Variants in RHD observed in about 807,000 individuals in gnomAD.
The protein encoded by RHD is Rh blood group D antigen.
RHD carries 16 observed loss-of-function variants against 45.5 expected under a neutral mutation model. The observed-to-expected ratio is 0.35, with a 90% CI of 0.24 to 0.53. The LOEUF (loss-of-function observed/expected upper bound fraction) is 0.53, where lower values mean the gene tolerates loss of function less well. Among genes scored for constraint, RHD ranks in the 20% least tolerant of loss-of-function variants. The pLI is 0.92. For synonymous variants in RHD, 131 were observed against 217.5 expected (o/e 0.60, Z 3.50); for missense variants, 306 against 532.0 (o/e 0.58, Z 4.18).
At chr1:25,285,700 C>T (rs1256850718) in intron 2 of RHD, among the ~76,000 whole-genome samples, 5 of 135,272 alleles carry the variant, frequency 3.7e-5, no homozygotes, top group Non-Finnish European at 8.8e-5. Flanking sequence ...GTGATGATTA[C>T]ACATCAAGCT....
chr1:25,286,986 G>C, intron 2 of RHD, among the ~76,000 whole-genome samples: 1 of 134,126 alleles, frequency 7.5e-6, no homozygotes, highest in African/African-American at 2.6e-5. Flanking sequence ...CCAGCTACTT[G>C]GGAGGCTGAG....
Position 25,275,398 on chromosome 1 carries a change from C to T in RHD, c.148+2703C>T, listed in dbSNP as rs1004026247. On this transcript the variant is annotated intron_variant, in intron 1 of 9. Transcript: ENST00000328664. Reference sequence around the variant, plus strand: ...CTGAGGTCCGAATAGTAAACAGCAGCGAGACAAGTTTGGGTTTGGGTCATG... The same window carrying T: ...CTGAGGTCCGAATAGTAAACAGCAGTGAGACAAGTTTGGGTTTGGGTCATG... Among the ~76,000 whole-genome samples, 8 of 132,150 alleles carry T rather than the reference C, an allele frequency of 6.1e-5. 1 individual carries two copies. Among genetic ancestry groups the T allele is most frequent in the Non-Finnish European group, 9.0e-5 (5 of 55,762 alleles). 86.7% of individuals were successfully genotyped at this position (132,150 alleles called of 152,430 possible). A position where few individuals can be genotyped will look rare whatever the true frequency, so the allele number is the denominator to read the frequency against.
intron 7 of RHD, among the ~76,000 whole-genome samples, chr1:25,315,271 A>G (rs1232834108): frequency 7.7e-6 from 1 of 129,854 alleles, no homozygotes; most frequent in East Asian, 2.0e-4. Flanking sequence ...TCATTCAACA[A>G]ATATTTCCCT....
At chr1:25,304,701 A>T (rs1643661304) in intron 6 of RHD, 1 of 132,308 alleles carries the variant, frequency 7.6e-6, no homozygotes, top group South Asian at 2.3e-4. Flanking sequence ...GGAGGTAATT[A>T]AAAAATAAAA....
intron 2 of RHD, among the ~76,000 whole-genome samples, chr1:25,289,910 A>G (rs1642344825): frequency 7.7e-6 from 1 of 130,146 alleles, no homozygotes; most frequent in Non-Finnish European, 1.8e-5. Flanking sequence ...GGAAGGAAGG[A>G]ATCATAATAG....
chr1:25,284,783 C>T (rs1183957607), intron 2 of RHD, 24 bp downstream of exon 2: 1 of 1,384,412 alleles, frequency 7.2e-7, no homozygotes, highest in Non-Finnish European at 1.0e-6. Flanking sequence ...GGCTGGATCA[C>T]TTCTGGGTCA....
intron 2 of RHD, among the ~76,000 whole-genome samples, chr1:25,287,321 T>C (rs896344204): frequency 3.0e-5 from 4 of 134,408 alleles, no homozygotes; most frequent in African/African-American, 1.0e-4. Flanking sequence ...CCTCATCTGA[T>C]GTCCACAGGG....
intron 1 of RHD, among the ~76,000 whole-genome samples, chr1:25,275,071 C>T (rs552659843): frequency 7.6e-6 from 1 of 132,370 alleles, no homozygotes; most frequent in African/African-American, 2.6e-5. Flanking sequence ...AGGCAGATCA[C>T]CTGAGGTCAG....
chr1:25,319,643 G>T (rs1247221321), intron 8 of RHD, among the ~76,000 whole-genome samples: 1 of 132,008 alleles, frequency 7.6e-6, no homozygotes, highest in East Asian at 2.0e-4. Context: ...ACAATGGAAG[G>T]GGGAAAAAGT....
chr1:25,287,438 G>T (rs1156708466), intron 2 of RHD, among the ~76,000 whole-genome samples: 1 of 135,224 alleles, frequency 7.4e-6, no homozygotes, highest in Non-Finnish European at 1.8e-5. Context: ...TCCCCCTAGG[G>T]GTGACCCCTG....
At chr1:25,276,762 T>C (rs1384267021) in intron 1 of RHD, among the ~76,000 whole-genome samples, 1 of 130,880 alleles carries the variant, frequency 7.6e-6, no homozygotes, top group East Asian at 2.0e-4. Flanking sequence ...ATAACAAATT[T>C]AAAAATATAA....
Position 25,280,295 on chromosome 1 carries a change from GACTTCCTCATCT to G in RHD, c.149-4277_149-4266del, listed in dbSNP as rs1273981906. ...ATAAAGCCCCCACCCAGGATCCTCT[GACTTCCTCATCT>G]CTTTTTTTTTTTTTTTGAGCTGCAG... is the stretch of plus-strand genomic sequence containing the variant. On this transcript the variant is annotated intron_variant, in intron 1 of 9. Transcript: ENST00000328664. Among the ~76,000 whole-genome samples the G allele has an allele frequency of 3.2e-5, 4 of 124,246 alleles. 1 individual carries two copies. Among genetic ancestry groups the G allele is most frequent in the African/African-American group, 1.1e-4 (4 of 35,400 alleles). 81.5% of individuals were successfully genotyped at this position (124,246 alleles called of 152,430 possible). A position where few individuals can be genotyped will look rare whatever the true frequency, so the allele number is the denominator to read the frequency against.
Position 25,295,851 on chromosome 1 carries a change from T to G in RHD, c.486+5060T>G, listed in dbSNP as rs1418908077. 5.9e-3 allele frequency among the ~76,000 whole-genome samples: 203 copies of G among 34,140 alleles called. 42 individuals are homozygous for G. Among genetic ancestry groups the G allele is most frequent in the African/African-American group, 0.01 (137 of 13,050 alleles). 22.4% of individuals were successfully genotyped at this position (34,140 alleles called of 152,430 possible). A position where few individuals can be genotyped will look rare whatever the true frequency, so the allele number is the denominator to read the frequency against. ...ATGGTCTGGGAGGGAATATGGGAAA[T>G]TTTTTTTTTTTTTTTTTTTTTTTTT... On this transcript the variant is annotated intron_variant, in intron 3 of 9. Coordinates refer to ENST00000328664, the MANE Select transcript of RHD (RefSeq NM_016124.6).
chr1:25,288,370 G>A (rs1642226229), intron 2 of RHD, among the ~76,000 whole-genome samples: 1 of 125,512 alleles, frequency 8.0e-6, no homozygotes, highest in African/African-American at 2.7e-5. Flanking sequence ...TGTAGAGATG[G>A]AGTCTCACTA....
In RHD at chr1:25,282,579, G is replaced by T. The variant is rs1045183058; in HGVS notation, c.149-1994G>T. ...AATAGGAAATGATAGAGCTGGGATC[G>T]AACAGAGCCATGTGAACTCAAAACC... On this transcript the variant is annotated intron_variant, in intron 1 of 9. Coordinates refer to ENST00000328664, the MANE Select transcript of RHD (RefSeq NM_016124.6). Among the ~76,000 whole-genome samples the T allele has an allele frequency of 6.1e-5, 8 of 132,150 alleles. 1 individual carries two copies. The highest frequency in any genetic ancestry group is 1.5e-4 in the African/African-American group (6 of 38,718). The allele number at this position is 132,150 out of a possible 152,430, so 86.7% of individuals were successfully genotyped here.
intron 2 of RHD, among the ~76,000 whole-genome samples, chr1:25,290,118 A>G (rs1159200703): frequency 7.8e-6 from 1 of 127,758 alleles, no homozygotes; most frequent in Admixed American, 7.6e-5. Context: ...CTGGGACTGG[A>G]AGCCGGGCTT....
At chr1:25,285,658 G>A (rs1270244140) in intron 2 of RHD, among the ~76,000 whole-genome samples, 1 of 135,268 alleles carries the variant, frequency 7.4e-6, no homozygotes, top group East Asian at 1.9e-4. Flanking sequence ...TAACCGCATG[G>A]GGTGCAGAAA....
chr1:25,279,836 GCCCGGGTAGCACATCCA>G lies in RHD; in HGVS notation c.149-4735_149-4719del, dbSNP rs1250987066. ...TTCCCCTCTGGGTCCAGGCATGGGC[GCCCGGGTAGCACATCCA>G]CTTCTTATCACCCCTGAACACCTTA... On this transcript the variant is annotated intron_variant, in intron 1 of 9. Coordinates refer to ENST00000328664, the MANE Select transcript of RHD (RefSeq NM_016124.6). Among the ~76,000 whole-genome samples, 2 of 130,544 alleles carry G rather than the reference GCCCGGGTAGCACATCCA, an allele frequency of 1.5e-5. 1 individual carries two copies. The highest frequency in any genetic ancestry group is 3.6e-5 in the Non-Finnish European group (2 of 55,712). The allele number at this position is 130,544 out of a possible 152,430, so 85.6% of individuals were successfully genotyped here. A position where few individuals can be genotyped will look rare whatever the true frequency, so the allele number is the denominator to read the frequency against.
Position 25,306,812 on chromosome 1 carries a change from C to T in RHD, c.1073+83C>T, listed in dbSNP as rs764313871. ...ATGTGTGCAGAGTCCTTAGCTGGGG[C>T]GTGTGCACTCGGGGCCAGGTGCTCA... On this transcript the variant is annotated intron_variant, in intron 7 of 9. Transcript: ENST00000328664. 30 of 1,206,282 alleles carry T rather than the reference C, an allele frequency of 2.5e-5. 5 individuals carry two copies. Among genetic ancestry groups the T allele is most frequent in the Admixed American group, 1.6e-4 (9 of 55,566 alleles). The allele number at this position is 1,206,282 out of a possible 1,614,324, so 74.7% of individuals were successfully genotyped here. A position where few individuals can be genotyped will look rare whatever the true frequency, so the allele number is the denominator to read the frequency against.
Sources: allele counts gnomAD v4.1 joint callset (sites outside exome capture counted in the v4.1 genomes callset), GRCh38; gene constraint gnomAD v4.1.1; transcripts MANE v1.5; gene names NCBI Gene and HGNC (gene_info 2026-07-23, HGNC 2026-07-21).